Variants in IGF2BP3 observed in about 807,000 individuals in gnomAD.
IGF2BP3 encodes the protein insulin like growth factor 2 mRNA binding protein 3.
Under a neutral mutation model 73.8 loss-of-function variants are expected in IGF2BP3, and 9 were observed. The observed-to-expected ratio is 0.12, with a 90% CI of 0.07 to 0.21. IGF2BP3 has a LOEUF of 0.21. IGF2BP3 is among the 10% of genes least tolerant of loss of function. The pLI, the probability that IGF2BP3 is intolerant of heterozygous loss-of-function variation, is 1.00. For synonymous variants in IGF2BP3, 258 were observed against 256.7 expected (o/e 1.01, Z -0.05); for missense variants, 542 against 714.0 (o/e 0.76, Z 2.75).
chr7:23,378,320 A>G lies in IGF2BP3; in HGVS notation c.286-16579T>C, dbSNP rs370335995. 1.5e-4 allele frequency among the ~76,000 whole-genome samples: 23 copies of G among 151,462 alleles called. 1 individual carries two copies. The highest frequency in any genetic ancestry group is 9.2e-4 in the Admixed American group (14 of 15,208). The stretch of plus-strand genomic sequence containing the variant: ...AGAATCAGGAAGAAAATGAAAACAA[A>G]TATCAAATCTGAATTACACTGGCCT... On this transcript the variant is annotated intron_variant, in intron 3 of 14. Transcript: ENST00000258729.
At chr7:23,413,333 C>T in intron 3 of IGF2BP3, 1 of 152,130 alleles carries the variant, frequency 6.6e-6, no homozygotes, top group Non-Finnish European at 1.5e-5. Flanking sequence ...ATACAAAACT[C>T]AGCCGGGTGT....
intron 2 of IGF2BP3, among the ~76,000 whole-genome samples, chr7:23,426,557 T>C (rs1003458173): frequency 6.6e-6 from 1 of 152,206 alleles, no homozygotes; most frequent in African/African-American, 2.4e-5. Flanking sequence ...TTGCAACTTA[T>C]TTGGATAAAA....
intron 11 of IGF2BP3, among the ~76,000 whole-genome samples, chr7:23,318,671 T>C (rs1315036474): frequency 6.6e-6 from 1 of 152,226 alleles, no homozygotes; most frequent in Non-Finnish European, 1.5e-5. Context: ...AGCCTGTATT[T>C]TGCCCCTTCA....
At chr7:23,435,900 G>A (rs1343334468) in intron 2 of IGF2BP3, among the ~76,000 whole-genome samples, 2 of 152,154 alleles carry the variant, frequency 1.3e-5, no homozygotes, top group Non-Finnish European at 2.9e-5. Flanking sequence ...TGGAATTACA[G>A]GCGTGTGCCA....
chr7:23,346,199 T>TG, intron 7 of IGF2BP3, 137 bp from the exon 8 acceptor site: 3 of 899,286 alleles, frequency 3.3e-6, no homozygotes, highest in Non-Finnish European at 4.9e-6. Flanking sequence ...TAAAACTTGC[T>TG]GACAATTGGC....
chr7:23,383,265 G>A (rs1186880787), intron 3 of IGF2BP3, among the ~76,000 whole-genome samples: 1 of 152,226 alleles, frequency 6.6e-6, no homozygotes, highest in African/African-American at 2.4e-5. Context: ...AAGTATGTGA[G>A]TAACTTTTAC....
intron 2 of IGF2BP3, among the ~76,000 whole-genome samples, chr7:23,443,212 G>T (rs986908973): frequency 7.3e-6 from 1 of 136,480 alleles, no homozygotes; most frequent in African/African-American, 2.8e-5. Flanking sequence ...TGTAAACTCC[G>T]CCTCCCAGGT....
intron 3 of IGF2BP3, among the ~76,000 whole-genome samples, chr7:23,385,344 C>T (rs1389906636): frequency 2.6e-5 from 4 of 152,320 alleles, no homozygotes; most frequent in Middle Eastern, 6.8e-3. Flanking sequence ...CCCAGATCTA[C>T]TGTGGTTCTC....
rs140311149 is a variant in IGF2BP3 at position 23,317,695 on chromosome 7, G to A, written c.1339C>T (p.Pro447Ser). 1.4e-5 allele frequency: 23 copies of A among 1,614,008 alleles called. No homozygotes were observed. In the South Asian group the frequency reaches 2.4e-4, roughly 17 times the overall value. Residue 447 changes from proline to serine, a missense_variant, in exon 12 of 15, where the codon CCA becomes TCA. By Grantham distance (74) the Pro-to-Ser change is moderately conservative. This residue lies in a region of IGF2BP3 where 303 missense variants were observed against 472.1 expected (regional missense o/e 0.64). Transcript: ENST00000258729. ...ASIKIAPAEA[P>S]DAKVRMVIIT... ...ATCACCATCCTCACTTTAGCATCTG[G>A]TGCTTCCGCTGGAGCAATCTGTAAC...
At chr7:23,329,560 G>A (rs1032785394) in intron 10 of IGF2BP3, among the ~76,000 whole-genome samples, 8 of 152,142 alleles carry the variant, frequency 5.3e-5, no homozygotes, top group African/African-American at 1.7e-4. Context: ...CTCAGTCTAT[G>A]GAATTCTAGT....
chr7:23,461,314 T>C (rs973173535), intron 2 of IGF2BP3, among the ~76,000 whole-genome samples: 11 of 152,190 alleles, frequency 7.2e-5, no homozygotes, highest in African/African-American at 1.2e-4. Flanking sequence ...TCCAATTCCA[T>C]GGTTTCAAAT....
At chr7:23,327,609 G>A (rs940460266) in intron 10 of IGF2BP3, among the ~76,000 whole-genome samples, 1 of 152,020 alleles carries the variant, frequency 6.6e-6, no homozygotes, top group Non-Finnish European at 1.5e-5. Flanking sequence ...TCAAACAACC[G>A]CAGAGCAACA....
intron 2 of IGF2BP3, among the ~76,000 whole-genome samples, chr7:23,421,216 A>G (rs1340953652): frequency 6.6e-6 from 1 of 151,784 alleles, no homozygotes; most frequent in Non-Finnish European, 1.5e-5. Flanking sequence ...CACCATGTCG[A>G]CCAGGCTGGT....
intron 3 of IGF2BP3, among the ~76,000 whole-genome samples, chr7:23,399,333 T>G (rs1032410041): frequency 1.3e-5 from 2 of 151,588 alleles, no homozygotes; most frequent in African/African-American, 4.9e-5. Flanking sequence ...ACATGGCACA[T>G]GTATACATAT....
chr7:23,441,338 G>A (rs1787927937), intron 2 of IGF2BP3, among the ~76,000 whole-genome samples: 1 of 152,042 alleles, frequency 6.6e-6, no homozygotes, highest in African/African-American at 2.4e-5. Context: ...ACTTTGGGAG[G>A]CCGAGGTGGA....
chr7:23,374,887 G>A (rs993149217), intron 3 of IGF2BP3, among the ~76,000 whole-genome samples: 1 of 152,064 alleles, frequency 6.6e-6, no homozygotes, highest in Non-Finnish European at 1.5e-5. Context: ...GGCAGGTTCC[G>A]TGATAAATGT....
chr7:23,392,064 A>C (rs192569920), intron 3 of IGF2BP3, among the ~76,000 whole-genome samples: 68 of 152,290 alleles, frequency 4.5e-4, no homozygotes, highest in African/African-American at 1.6e-3. Context: ...TACTGGTGTC[A>C]CCCGCTACAC....
intron 2 of IGF2BP3, among the ~76,000 whole-genome samples, chr7:23,449,624 T>C (rs1237448180): frequency 1.3e-5 from 2 of 149,488 alleles, no homozygotes; most frequent in African/African-American, 4.9e-5. Context: ...TGGCGCAATC[T>C]TGGGTCACTG....
At chr7:23,377,389 A>G (rs1165091988) in intron 3 of IGF2BP3, among the ~76,000 whole-genome samples, 2 of 152,256 alleles carry the variant, frequency 1.3e-5, no homozygotes, top group Non-Finnish European at 2.9e-5. Flanking sequence ...CGACATCATT[A>G]GTCAGTAGGG....
Sources: gnomAD v4.1 joint callset for allele counts (sites outside exome capture counted in the v4.1 genomes callset) on GRCh38, gnomAD v4.1.1 for gene constraint, gnomAD v4.1.1 regional missense constraint, MANE v1.5 for transcripts, NCBI Gene and HGNC (gene_info 2026-07-23, HGNC 2026-07-21) for gene names.